The following ADGRL3 variants were observed in gnomAD, a reference collection of about 807,000 sequenced individuals.
ADGRL3 encodes the protein adhesion G protein-coupled receptor L3, also known as calcium-independent alpha-latrotoxin receptor 3.
ADGRL3 carries 62 observed loss-of-function variants against 153.5 expected under a neutral mutation model. That is an observed-to-expected ratio of 0.40 (90% CI 0.33 to 0.50). ADGRL3 has a LOEUF of 0.50. ADGRL3 is among the 20% of genes least tolerant of loss of function. ADGRL3 has a pLI of 0.47. For synonymous variants in ADGRL3, 710 were observed against 672.5 expected (o/e 1.06, Z -0.86); for missense variants, 1,641 against 1,859.4 (o/e 0.88, Z 2.16).
Position 61,737,049 on chromosome 4 carries a change from T to G in ADGRL3, c.1399+3495T>G, listed in dbSNP as rs80284243. ...ACACAAACAGTTTCAGCTGGGTATT[T>G]TTCTTTAGTAAATTACATTGACTTT... is the stretch of plus-strand genomic sequence containing the variant. On this transcript the variant is annotated intron_variant, in intron 8 of 26. Transcript: ENST00000683033. Among the ~76,000 whole-genome samples the G allele has an allele frequency of 8.9e-3, 1,357 of 152,278 alleles. 27 individuals are homozygous for G. The highest frequency in any genetic ancestry group is 0.031 in the African/African-American group (1,287 of 41,540).
At chr4:62,052,274 AG>A (rs1734628404) in intron 25 of ADGRL3, among the ~76,000 whole-genome samples, 1 of 151,606 alleles carries the variant, frequency 6.6e-6, no homozygotes, top group African/African-American at 2.4e-5. Flanking sequence ...ATATAGATAT[AG>A]TCATTTGAAG....
chr4:61,299,566 C>T (rs2094517329), intron 1 of ADGRL3, among the ~76,000 whole-genome samples: 1 of 152,192 alleles, frequency 6.6e-6, no homozygotes, highest in Non-Finnish European at 1.5e-5. Flanking sequence ...GAACACTTTA[C>T]ATCTTTGAAA....
intron 1 of ADGRL3, among the ~76,000 whole-genome samples, chr4:61,206,212 G>A (rs1438899665): frequency 4.6e-5 from 7 of 152,138 alleles, no homozygotes; most frequent in Admixed American, 4.6e-4. Flanking sequence ...TCATAAAAGT[G>A]ATTACAAATA....
At chr4:61,731,172 T>G (rs533385440) in intron 7 of ADGRL3, among the ~76,000 whole-genome samples, 2 of 152,114 alleles carry the variant, frequency 1.3e-5, no homozygotes, top group East Asian at 3.9e-4. Context: ...GATTGTATAT[T>G]GATGATGGCC....
At chr4:61,657,461 A>T (rs2150505345) in intron 5 of ADGRL3, among the ~76,000 whole-genome samples, 1 of 152,218 alleles carries the variant, frequency 6.6e-6, no homozygotes, top group East Asian at 1.9e-4. Flanking sequence ...TTGTCAATCA[A>T]TGGTAACTCA....
rs115985894 is a variant in ADGRL3 at position 61,439,996 on chromosome 4, C to T, written c.-174+56807C>T. On this transcript the variant is annotated intron_variant, in intron 2 of 26. Coordinates refer to ENST00000683033, the MANE Select transcript of ADGRL3 (RefSeq NM_001387552.1). Reference sequence around the variant, plus strand: ...ATTTCTGCTATCCCCATCAATGATGCATCTGTGCTATACGTATCTGTGCTA... The same window carrying T: ...ATTTCTGCTATCCCCATCAATGATGTATCTGTGCTATACGTATCTGTGCTA... 4.6e-3 allele frequency among the ~76,000 whole-genome samples: 706 copies of T among 152,162 alleles called. 4 individuals are homozygous for T. The highest frequency in any genetic ancestry group is 8.0e-3 in the Non-Finnish European group (541 of 67,990).
At chr4:61,456,132 C>G (rs937656956) in intron 2 of ADGRL3, among the ~76,000 whole-genome samples, 7 of 151,656 alleles carry the variant, frequency 4.6e-5, no homozygotes, top group Non-Finnish European at 8.8e-5. Context: ...GAAATACATT[C>G]TTTTTACACT....
chr4:61,849,665 C>T (rs531770029), intron 9 of ADGRL3, among the ~76,000 whole-genome samples: 3 of 152,152 alleles, frequency 2.0e-5, no homozygotes, highest in Admixed American at 6.5e-5. Context: ...TCTGTGTGTT[C>T]TGTTTGTAGT....
At chr4:61,204,841 T>C (rs1277654468) in intron 1 of ADGRL3, among the ~76,000 whole-genome samples, 1 of 152,218 alleles carries the variant, frequency 6.6e-6, no homozygotes, top group African/African-American at 2.4e-5. Context: ...GTAAATGCTT[T>C]TGATGTCTCA....
At chr4:61,274,779 A>G (rs1014925955) in intron 1 of ADGRL3, among the ~76,000 whole-genome samples, 3 of 152,048 alleles carry the variant, frequency 2.0e-5, no homozygotes, top group African/African-American at 7.2e-5. Context: ...AAACAAACAA[A>G]CAAAAACTGC....
chr4:61,603,423 A>G (rs2099019861), intron 5 of ADGRL3, among the ~76,000 whole-genome samples: 1 of 152,202 alleles, frequency 6.6e-6, no homozygotes. Flanking sequence ...TTAGGAGTTT[A>G]GAAAACTTCA....
chr4:61,813,672 T>C, intron 8 of ADGRL3, 137 bp from the exon 9 acceptor site: 1 of 867,944 alleles, frequency 1.2e-6, no homozygotes, highest in Non-Finnish European at 1.7e-6. Flanking sequence ...GTTTTTATGT[T>C]TGGGCAGATA....
At chr4:61,876,103 T>A (rs547535962) in intron 9 of ADGRL3, among the ~76,000 whole-genome samples, 1 of 89,558 alleles carries the variant, frequency 1.1e-5, no homozygotes, top group Admixed American at 1.6e-4. Flanking sequence ...CATCAAATAG[T>A]TTTTTTTTCC....
rs2098980210 is a variant in ADGRL3, at chr4:61,594,155, G to T, written c.473+6715G>T. On this transcript the variant is annotated intron_variant, in intron 5 of 26. Transcript: ENST00000683033. The stretch of plus-strand genomic sequence containing the variant: ...AGCATTTCTGCTTGATTCCTTTTAA[G>T]TATTTCAGTCTGCTTATTAAATTTG... Among the ~76,000 whole-genome samples, 3 of 152,160 alleles carry T rather than the reference G, an allele frequency of 2.0e-5. 1 individual carries two copies. The South Asian group carries it at 6.2e-4, about 32-fold the overall frequency.
chr4:61,275,021 CTT>C (rs2093393290), intron 1 of ADGRL3, among the ~76,000 whole-genome samples: 1 of 152,138 alleles, frequency 6.6e-6, no homozygotes, highest in Admixed American at 6.6e-5. Flanking sequence ...GGGAAAGTCA[CTT>C]TCTTTTTCTA....
chr4:61,642,533 ATTAAATAGGGAATCC>A (rs1553991035), intron 5 of ADGRL3, among the ~76,000 whole-genome samples: 1 of 152,138 alleles, frequency 6.6e-6, no homozygotes, highest in Non-Finnish European at 1.5e-5. Flanking sequence ...AGCACCATTT[ATTAAATAGGGAATCC>A]TTTCCCCATT....
At chr4:61,670,176 C>T (rs1164925974) in intron 5 of ADGRL3, among the ~76,000 whole-genome samples, 1 of 152,018 alleles carries the variant, frequency 6.6e-6, no homozygotes, top group African/African-American at 2.4e-5. Flanking sequence ...CACCTTGAGT[C>T]CCAGCTATTC....
chr4:61,903,650 C>CAAAAAA lies in ADGRL3; in HGVS notation c.1888-5882_1888-5877dup, dbSNP rs55879235. ...TGCTGCACTCCAGCTTGGGAAACAG[C>CAAAAAA]AAAAAAAAAAAAAAAAAAAAAAAAA... On this transcript the variant is annotated intron_variant, in intron 11 of 26. Coordinates refer to ENST00000683033, the MANE Select transcript of ADGRL3 (RefSeq NM_001387552.1). Among the ~76,000 whole-genome samples, 538 of 72,360 alleles carry CAAAAAA rather than the reference C, an allele frequency of 7.4e-3. 45 individuals are homozygous for CAAAAAA. The highest frequency in any genetic ancestry group is 0.016 in the Middle Eastern group (1 of 64). 47.5% of individuals were successfully genotyped at this position (72,360 alleles called of 152,430 possible). A position where few individuals can be genotyped will look rare whatever the true frequency, so the allele number is the denominator to read the frequency against.
intron 5 of ADGRL3, among the ~76,000 whole-genome samples, chr4:61,628,705 A>C (rs529509001): frequency 1.3e-5 from 2 of 152,104 alleles, no homozygotes; most frequent in Non-Finnish European, 2.9e-5. Context: ...ATTCTTGTTC[A>C]GGTTTTGAGG....
Sources: gnomAD v4.1 joint callset for allele counts (sites outside exome capture counted in the v4.1 genomes callset) on GRCh38, gnomAD v4.1.1 for gene constraint, MANE v1.5 for transcripts, NCBI Gene and HGNC (gene_info 2026-07-23, HGNC 2026-07-21) for gene names.